The following NT5DC3 variants were observed in gnomAD, a reference collection of about 807,000 sequenced individuals.
NT5DC3 encodes 5'-nucleotidase domain-containing protein 3.
In NT5DC3, 42 loss-of-function variants were observed where a neutral mutation model predicts 67.8. That is an observed-to-expected ratio of 0.62 (90% confidence interval 0.48 to 0.80). NT5DC3 has a LOEUF of 0.80. NT5DC3 is among the 30% of genes least tolerant of loss of function. NT5DC3 has a pLI of 0.00. For missense variants in NT5DC3, 570 were observed against 696.4 expected (o/e 0.82, Z 2.04); for synonymous variants, 237 against 255.6 (o/e 0.93, Z 0.69).
Position 103,774,095 on chromosome 12 carries a change from G to A in NT5DC3, c.*3734C>T, listed in dbSNP as rs1885263550. The A allele has an allele frequency of 6.6e-6, 1 of 152,170 alleles. No individual in the cohort carries two copies. Among genetic ancestry groups the A allele is most frequent in the Non-Finnish European group, 1.5e-5 (1 of 68,026 alleles). 9.4% of individuals were successfully genotyped at this position (152,170 alleles called of 1,614,324 possible). A position where few individuals can be genotyped will look rare whatever the true frequency, so the allele number is the denominator to read the frequency against. On this transcript the variant is annotated 3_prime_UTR_variant, in exon 14 of 14. Transcript: ENST00000392876. Reference sequence around the variant, plus strand: ...ACGTTTCACCCGTAAAAACAACACTGGAAAAAGAAAATCAGCTGTGCAAGT... The same window carrying A: ...ACGTTTCACCCGTAAAAACAACACTAGAAAAAGAAAATCAGCTGTGCAAGT...
chr12:103,796,599 T>C (rs780930021), intron 6 of NT5DC3, among the ~76,000 whole-genome samples: 2 of 152,242 alleles, frequency 1.3e-5, no homozygotes, highest in South Asian at 4.1e-4. Flanking sequence ...TCCATCCCCA[T>C]CATCCCTTTG....
chr12:103,807,083 A>T (rs1241066213), intron 2 of NT5DC3, among the ~76,000 whole-genome samples, 154 bp from the exon 3 acceptor site: 1 of 152,198 alleles, frequency 6.6e-6, no homozygotes, highest in East Asian at 1.9e-4. Context: ...CTCTGCTTCC[A>T]ATCCAAGCGC....
intron 1 of NT5DC3, among the ~76,000 whole-genome samples, chr12:103,827,357 G>T (rs989518268): frequency 3.3e-5 from 5 of 152,004 alleles, no homozygotes; most frequent in Non-Finnish European, 7.4e-5. Flanking sequence ...CAACATAAGG[G>T]CAGAATACAT....
intron 12 of NT5DC3, among the ~76,000 whole-genome samples, chr12:103,784,463 T>C (rs930729970): frequency 2.6e-5 from 4 of 152,074 alleles, no homozygotes; most frequent in Non-Finnish European, 5.9e-5. Flanking sequence ...CCAAGCAGAG[T>C]GCCAGCTGGG....
intron 2 of NT5DC3, among the ~76,000 whole-genome samples, chr12:103,807,837 C>T (rs1886867583): frequency 6.6e-6 from 1 of 152,206 alleles, no homozygotes; most frequent in South Asian, 2.1e-4. Flanking sequence ...TTCTCATTCT[C>T]TCTCTTGCCT....
intron 10 of NT5DC3, among the ~76,000 whole-genome samples, chr12:103,788,491 T>C (rs985605865): frequency 2.6e-5 from 4 of 152,202 alleles, no homozygotes; most frequent in South Asian, 4.1e-4. Context: ...AAAACATGTA[T>C]TGTCAGAAAA....
At chr12:103,747,105 C>T in the NT5DC3 span, among the ~76,000 whole-genome samples, 1 of 151,820 alleles carries the variant, frequency 6.6e-6, no homozygotes, top group Non-Finnish European at 1.5e-5. Context: ...TACAGGCATG[C>T]GCCACCGCAC....
downstream of NT5DC3, among the ~76,000 whole-genome samples, chr12:103,769,763 GGGA>G (rs1321285847): frequency 6.6e-6 from 1 of 152,252 alleles, no homozygotes; most frequent in Non-Finnish European, 1.5e-5. Flanking sequence ...CTTACGAGCA[GGGA>G]GGAAAAGATC....
intron 4 of NT5DC3, 126 bp downstream of exon 4, chr12:103,806,192 GAGTA>G (rs1886792982): frequency 1.8e-5 from 12 of 677,674 alleles, no homozygotes; most frequent in South Asian, 1.5e-4. Flanking sequence ...AAATGCTCTT[GAGTA>G]AGTGAGTGAA....
chr12:103,766,815 G>A (rs2139270370), downstream of NT5DC3: 1 of 155,974 alleles, frequency 6.4e-6, no homozygotes, highest in Admixed American at 6.1e-5. Context: ...CAATCAATCA[G>A]ACACCAGCCT....
At chr12:103,765,514 C>T (rs1046856809), downstream of NT5DC3, among the ~76,000 whole-genome samples, 1 of 152,158 alleles carries the variant, frequency 6.6e-6, no homozygotes, top group Non-Finnish European at 1.5e-5. Context: ...TTGACAAAGC[C>T]TGGGTGCCAG....
chr12:103,755,367 C>T, the NT5DC3 span: 15 of 1,614,116 alleles, frequency 9.3e-6, no homozygotes, highest in Middle Eastern at 1.6e-4. Context: ...CCACAGCCTT[C>T]GCCTCCCAGA....
At chr12:103,817,605 A>AT (rs11414339) in intron 1 of NT5DC3, among the ~76,000 whole-genome samples, 145,547 of 152,276 alleles carry the variant, frequency 0.96, 69,612 homozygotes, top group East Asian at 1. Context: ...ACATTCTCTC[A>AT]TTAATCCTTC....
the NT5DC3 span, among the ~76,000 whole-genome samples, chr12:103,746,949 CTTTTTTTT>C: frequency 1.2e-4 from 12 of 96,078 alleles, no homozygotes; most frequent in African/African-American, 4.1e-4. Flanking sequence ...GTTTTTCTTT[CTTTTTTTT>C]TTTTTTTTTT....
the NT5DC3 span, chr12:103,759,206 G>T: frequency 6.2e-7 from 1 of 1,614,126 alleles, no homozygotes; most frequent in Non-Finnish European, 8.5e-7. Flanking sequence ...CTTGTCAATG[G>T]CACCACCCTG....
the NT5DC3 span, chr12:103,758,327 A>C: frequency 3.7e-6 from 6 of 1,607,952 alleles, no homozygotes; most frequent in Non-Finnish European, 5.1e-6. Flanking sequence ...TTAGACTAGC[A>C]TGTTATCTAT....
chr12:103,754,306 A>G, the NT5DC3 span, among the ~76,000 whole-genome samples: 1 of 152,076 alleles, frequency 6.6e-6, no homozygotes. Context: ...GTAATATGGC[A>G]CACAGTAGGA....
chr12:103,816,309 A>G (rs578009794), intron 1 of NT5DC3, among the ~76,000 whole-genome samples: 1 of 152,368 alleles, frequency 6.6e-6, no homozygotes, highest in African/African-American at 2.4e-5. Flanking sequence ...TTGGACTATC[A>G]TGTCAGCATG....
Position 103,776,666 on chromosome 12 carries a change from A to C in NT5DC3, c.*1163T>G, listed in dbSNP as rs1197797272. ...CATCTTAGACATCTAAAAAAAAACA[A>C]AACAAAACAAAAAAAAAAAAAACAA... On this transcript the variant is annotated 3_prime_UTR_variant, in exon 14 of 14. Coordinates refer to ENST00000392876, the MANE Select transcript of NT5DC3 (RefSeq NM_001031701.3). The C allele has an allele frequency of 2.5e-4, 29 of 116,654 alleles. No homozygotes were observed. The East Asian group carries it at 8.5e-3, about 34-fold the overall frequency. The allele number at this position is 116,654 out of a possible 1,614,324, so 7.2% of individuals were successfully genotyped here.
Sources: gnomAD v4.1 joint callset for allele counts (sites outside exome capture counted in the v4.1 genomes callset) on GRCh38, gnomAD v4.1.1 for gene constraint, MANE v1.5 for transcripts, NCBI Gene and HGNC (gene_info 2026-07-23, HGNC 2026-07-21) for gene names.